Variants in EPHA5 observed in about 807,000 individuals in gnomAD.
The protein encoded by EPHA5 is EPH receptor A5, also known as ephrin type-A receptor 5.
Under a neutral mutation model 105.0 loss-of-function variants are expected in EPHA5, and 60 were observed. The ratio of observed to expected loss-of-function variants is 0.57; its 90% CI spans 0.46 to 0.71. EPHA5 has a LOEUF of 0.71. Ranked by LOEUF, EPHA5 falls within the 30% of genes least tolerant of loss-of-function variation. The pLI, the probability that EPHA5 is intolerant of heterozygous loss-of-function variation, is 0.00. For synonymous variants in EPHA5, 513 were observed against 449.1 expected (o/e 1.14, Z -1.80); for missense variants, 1,218 against 1,274.7 (o/e 0.96, Z 0.68).
At chr4:65,605,532 T>C (rs1744144083) in intron 2 of EPHA5, among the ~76,000 whole-genome samples, 1 of 152,150 alleles carries the variant, frequency 6.6e-6, no homozygotes, top group Non-Finnish European at 1.5e-5. Flanking sequence ...TCTTACATTA[T>C]GTCCCCAAAT....
At position 65,669,731 on chromosome 4, in the gene EPHA5, C is replaced by T. The variant is rs1454917826; in HGVS notation, c.12G>A (p.Ser4=). The change falls in exon 1 of 17, where the codon TCG becomes TCA. Residue 4 remains serine, a synonymous_variant. Transcript: ENST00000613740. ...GCCGGCGTCCCGCACCCCGGGGCCC[C>T]GAGCCCCGCATCTTCTCCGAGCCTC... MRG[S]GPRGAGRRRP... is the part of the protein sequence containing the mutation. 7.9e-7 allele frequency: 1 copy of T among 1,262,682 alleles called. No individual in the cohort carries two copies. The highest frequency in any genetic ancestry group is 1.0e-6 in the Non-Finnish European group (1 of 1,002,848). 78.2% of individuals were successfully genotyped at this position (1,262,682 alleles called of 1,614,324 possible). A position where few individuals can be genotyped will look rare whatever the true frequency, so the allele number is the denominator to read the frequency against.
chr4:65,372,729 A>G (rs999891700), intron 8 of EPHA5, among the ~76,000 whole-genome samples: 2 of 151,904 alleles, frequency 1.3e-5, no homozygotes, highest in Non-Finnish European at 2.9e-5. Flanking sequence ...CAACCCTATG[A>G]TTAATGCCAT....
intron 1 of EPHA5, among the ~76,000 whole-genome samples, chr4:65,663,154 G>A (rs936060413): frequency 5.3e-5 from 8 of 152,082 alleles, no homozygotes; most frequent in African/African-American, 1.7e-4. Flanking sequence ...GAATCTACTA[G>A]GACTTTTTAA....
chr4:65,377,258 TG>T (rs1719105434), intron 8 of EPHA5, among the ~76,000 whole-genome samples: 1 of 152,038 alleles, frequency 6.6e-6, no homozygotes, highest in African/African-American at 2.4e-5. Context: ...AATATAGAGT[TG>T]TAGTAAATTG....
intron 1 of EPHA5, 116 bp downstream of exon 1, chr4:65,669,446 A>T: frequency 8.0e-7 from 1 of 1,249,890 alleles, no homozygotes; most frequent in Non-Finnish European, 1.0e-6. Flanking sequence ...CCAATTTGAG[A>T]TGAGACTGCG....
intron 3 of EPHA5, among the ~76,000 whole-genome samples, chr4:65,526,668 TA>T (rs374613796): frequency 2.6e-4 from 40 of 152,084 alleles, no homozygotes; most frequent in African/African-American, 9.6e-4. Context: ...AGCAATAAAT[TA>T]AGCCTGATCT....
At chr4:65,560,608 C>A (rs904898039) in intron 3 of EPHA5, among the ~76,000 whole-genome samples, 2 of 151,980 alleles carry the variant, frequency 1.3e-5, no homozygotes, top group African/African-American at 4.8e-5. Flanking sequence ...GAAGCCAATG[C>A]CATTTCTTTT....
At position 65,320,507 on chromosome 4, in the gene EPHA5, A is replaced by G; in HGVS notation, c.*3607T>C. 1 of 229,386 alleles carries G rather than the reference A, an allele frequency of 4.4e-6. No individual in the cohort carries two copies. The highest frequency in any genetic ancestry group is 8.7e-6 in the Non-Finnish European group (1 of 115,552). The allele number at this position is 229,386 out of a possible 1,614,324, so 14.2% of individuals were successfully genotyped here. ...ACCTTATTCTACTATGTAATATAAT[A>G]CATCTAATAAATTTCTAACACCTGA... On this transcript the variant is annotated 3_prime_UTR_variant, in exon 17 of 17. Transcript: ENST00000613740.
At position 65,595,426 on chromosome 4, in the gene EPHA5, C is replaced by T. The variant is rs186771952; in HGVS notation, c.910+6215G>A. On this transcript the variant is annotated intron_variant, in intron 3 of 16. Transcript: ENST00000613740. ...TTTTTATAAAGGAAGTTCTATAAAA[C>T]GTACATAGTTTTATTTACCCATTGG... Among the ~76,000 whole-genome samples, 44 of 152,002 alleles carry T rather than the reference C, an allele frequency of 2.9e-4. No homozygotes were observed. The East Asian group carries it at 6.8e-3, about 23-fold the overall frequency.
intron 1 of EPHA5, among the ~76,000 whole-genome samples, chr4:65,643,684 C>T (rs2149515545): frequency 6.8e-6 from 1 of 146,100 alleles, no homozygotes; most frequent in Admixed American, 6.8e-5. Flanking sequence ...TCTTGCAAAA[C>T]AATAATAAAT....
At chr4:65,483,493 C>G (rs1730585759) in intron 5 of EPHA5, among the ~76,000 whole-genome samples, 1 of 152,098 alleles carries the variant, frequency 6.6e-6, no homozygotes, top group Non-Finnish European at 1.5e-5. Flanking sequence ...TAAAAGTGTT[C>G]CCATTTCTCC....
chr4:65,504,535 T>C (rs756962533), intron 3 of EPHA5, among the ~76,000 whole-genome samples: 6 of 151,908 alleles, frequency 3.9e-5, no homozygotes, highest in Non-Finnish European at 7.4e-5. Context: ...ATTTCAGTTT[T>C]ACAAGTCTAA....
At chr4:65,348,596 T>A (rs1722442111) in intron 13 of EPHA5, among the ~76,000 whole-genome samples, 1 of 147,208 alleles carries the variant, frequency 6.8e-6, no homozygotes, top group Admixed American at 6.9e-5. Flanking sequence ...AAGTGGAAAT[T>A]ATAGGTTGAT....
chr4:65,633,804 C>A (rs1026758963), intron 2 of EPHA5, among the ~76,000 whole-genome samples: 2 of 151,960 alleles, frequency 1.3e-5, no homozygotes, highest in Non-Finnish European at 1.5e-5. Context: ...TCTATAAATG[C>A]CCCGAAACTC....
At chr4:65,496,868 T>C (rs989725846) in intron 3 of EPHA5, among the ~76,000 whole-genome samples, 2 of 152,174 alleles carry the variant, frequency 1.3e-5, no homozygotes, top group African/African-American at 2.4e-5. Flanking sequence ...ATGAATATTA[T>C]AACAACTATT....
At chr4:65,381,777 C>T (rs968709369) in intron 8 of EPHA5, among the ~76,000 whole-genome samples, 3 of 151,700 alleles carry the variant, frequency 2.0e-5, no homozygotes, top group Non-Finnish European at 4.4e-5. Context: ...GCCCAGCCCT[C>T]TTGAATGAGG....
chr4:65,464,324 T>A (rs1266974881), intron 5 of EPHA5, among the ~76,000 whole-genome samples: 1 of 151,962 alleles, frequency 6.6e-6, no homozygotes, highest in East Asian at 1.9e-4. Context: ...ATTACTGACG[T>A]GCCTACAAAA....
chr4:65,515,159 T>G (rs1578305629), intron 3 of EPHA5, among the ~76,000 whole-genome samples: 1 of 152,290 alleles, frequency 6.6e-6, no homozygotes, highest in Non-Finnish European at 1.5e-5. Flanking sequence ...TCCATGCTAA[T>G]AGACTTGATT....
chr4:65,337,113 A>G (rs1336029277), intron 14 of EPHA5, among the ~76,000 whole-genome samples: 1 of 152,054 alleles, frequency 6.6e-6, no homozygotes, highest in African/African-American at 2.4e-5. Flanking sequence ...ATAATTGTAC[A>G]TATTTATGGA....
Sources: gnomAD v4.1 joint callset for allele counts (sites outside exome capture counted in the v4.1 genomes callset) on GRCh38, gnomAD v4.1.1 for gene constraint, MANE v1.5 for transcripts, NCBI Gene and HGNC (gene_info 2026-07-23, HGNC 2026-07-21) for gene names.